RPRD1A: variants seen among roughly 807,000 people sequenced by gnomAD.
RPRD1A encodes the protein regulation of nuclear pre-mRNA domain containing 1A, also known as regulation of nuclear pre-mRNA domain-containing protein 1A.
In RPRD1A, 9 loss-of-function variants were observed where a neutral mutation model predicts 37.8. That is an observed-to-expected ratio of 0.24 (90% CI 0.14 to 0.42). RPRD1A has a LOEUF of 0.42. RPRD1A is among the 10% of genes least tolerant of loss of function. RPRD1A has a pLI of 1.00. For synonymous variants in RPRD1A, 138 were observed against 139.7 expected, an observed-to-expected ratio of 0.99 and a Z score of 0.08; for missense variants, 255 against 371.0, an observed-to-expected ratio of 0.69 and a Z score of 2.57.
At chr18:36,063,524 CT>C (rs1382389579) in intron 1 of RPRD1A, among the ~76,000 whole-genome samples, 1 of 152,188 alleles carries the variant, frequency 6.6e-6, no homozygotes, top group Non-Finnish European at 1.5e-5. Flanking sequence ...TCTTTACACA[CT>C]TTGAGAAACT....
chr18:35,998,344 G>T (rs1909211270), intron 6 of RPRD1A, among the ~76,000 whole-genome samples: 1 of 150,288 alleles, frequency 6.7e-6, no homozygotes, highest in South Asian at 2.1e-4. Flanking sequence ...CAACAAGAAT[G>T]AAACTGTCTC....
At chr18:36,050,246 T>TA (rs545246553) in intron 1 of RPRD1A, among the ~76,000 whole-genome samples, 478 of 139,692 alleles carry the variant, frequency 3.4e-3, no homozygotes, top group East Asian at 7.6e-3. Flanking sequence ...TACATATTTA[T>TA]AAAAAAAAAA....
chr18:36,030,102 G>A (rs987002877), intron 4 of RPRD1A, among the ~76,000 whole-genome samples: 6 of 150,144 alleles, frequency 4.0e-5, no homozygotes, highest in Non-Finnish European at 7.4e-5. Context: ...CACTGCGCCC[G>A]GCCACTCTAA....
intron 4 of RPRD1A, 190 bp from the exon 5 acceptor site, chr18:36,027,500 A>C: frequency 1.8e-6 from 1 of 566,540 alleles, no homozygotes; most frequent in South Asian, 2.4e-5. Flanking sequence ...TAGGTGTTGA[A>C]AATATAAACA....
At chr18:36,045,703 T>C (rs1912906129) in intron 1 of RPRD1A, among the ~76,000 whole-genome samples, 2 of 152,238 alleles carry the variant, frequency 1.3e-5, no homozygotes, top group Non-Finnish European at 2.9e-5. Flanking sequence ...TAAGTAACTA[T>C]TATTAGTGAA....
At chr18:36,002,915 T>G (rs1410891642) in intron 6 of RPRD1A, among the ~76,000 whole-genome samples, 2 of 152,238 alleles carry the variant, frequency 1.3e-5, no homozygotes. Context: ...TCACTCTTTA[T>G]TAAATAGCCC....
At position 36,027,253 on chromosome 18, in the gene RPRD1A, C is replaced by T; in HGVS notation, c.544G>A (p.Ala182Thr). 6.2e-7 allele frequency: 1 copy of T among 1,613,168 alleles called. No individual in the cohort carries two copies. Among genetic ancestry groups the T allele is most frequent in the Non-Finnish European group, 8.5e-7 (1 of 1,179,150 alleles). ...DLENAASGDA[A>T]VHQRIASLPV... ...AAAGAAGCTATCCTCTGATGAACTGCTGCATCACCTGAGGCTGCATTTTCC... is the reference window on the plus strand; with the variant it reads ...AAAGAAGCTATCCTCTGATGAACTGTTGCATCACCTGAGGCTGCATTTTCC... Residue 182 changes from alanine to threonine, a missense_variant, in exon 5 of 7, where the codon GCA becomes ACA. By Grantham distance (58) the Ala-to-Thr change is moderately conservative. Transcript: ENST00000399022.
At chr18:36,018,443 T>G (rs888085384) in intron 6 of RPRD1A, among the ~76,000 whole-genome samples, 8 of 152,014 alleles carry the variant, frequency 5.3e-5, no homozygotes, top group African/African-American at 1.7e-4. Flanking sequence ...CCAACTAATT[T>G]TTTCTATTTT....
intron 6 of RPRD1A, among the ~76,000 whole-genome samples, chr18:36,023,224 T>G (rs1346317155): frequency 1.3e-5 from 2 of 152,254 alleles, no homozygotes; most frequent in African/African-American, 4.8e-5. Context: ...TAGATGGCAT[T>G]AAAAACATTC....
At chr18:36,029,007 T>C (rs1289186998) in intron 4 of RPRD1A, among the ~76,000 whole-genome samples, 1 of 152,236 alleles carries the variant, frequency 6.6e-6, no homozygotes, top group Non-Finnish European at 1.5e-5. Context: ...ATGAGGCTCT[T>C]AGCCAAAAAT....
rs907942364 is a variant in RPRD1A, at chr18:35,993,170, T to C, written c.920A>G (p.Asp307Gly). The C allele has an allele frequency of 6.2e-7, 1 of 1,613,914 alleles. No homozygotes were observed. Residue 307 changes from aspartate (D) to glycine (G), a missense_variant, in exon 7 of 7, where the codon GAC becomes GGC. Asp to Gly is a moderately conservative substitution (Grantham distance 94). Transcript: ENST00000399022. The stretch of plus-strand genomic sequence containing the variant: ...GGTCCATCAATCTTCACTGTAGATG[T>C]CTCCCGCAAAGGGCAGGTGCATGTG... ...GSHMHLPFAG[D>G]IYSED
chr18:36,039,859 C>CAT (rs74277390), intron 1 of RPRD1A, among the ~76,000 whole-genome samples: 35,001 of 151,754 alleles, frequency 0.23, 4,046 homozygotes, highest in East Asian at 0.25. Context: ...CACACACACA[C>CAT]GCATGCACAC....
rs544805017 is a variant in RPRD1A, at chr18:36,019,944, G to A, written c.789+6956C>T. Among the ~76,000 whole-genome samples, 14 of 152,316 alleles carry A rather than the reference G, an allele frequency of 9.2e-5. No homozygotes were observed. In the South Asian group the frequency reaches 2.5e-3, roughly 27 times the overall value. ...AATCCCAGCTACTCAGGAGGCTGAG[G>A]CAGGAGAACTGCTTGAACCCAGGAG... On this transcript the variant is annotated intron_variant, in intron 6 of 6. Coordinates refer to ENST00000399022, the MANE Select transcript of RPRD1A (RefSeq NM_018170.5).
intron 1 of RPRD1A, among the ~76,000 whole-genome samples, chr18:36,047,465 A>C (rs1176103831): frequency 6.6e-6 from 1 of 152,108 alleles, no homozygotes; most frequent in Non-Finnish European, 1.5e-5. Context: ...AAAAGGAATG[A>C]AATAATAAAG....
At chr18:36,011,202 A>G (rs1174741194) in intron 6 of RPRD1A, among the ~76,000 whole-genome samples, 4 of 152,168 alleles carry the variant, frequency 2.6e-5, no homozygotes, top group African/African-American at 9.7e-5. Context: ...AGTCGGTACA[A>G]TTATTATCCC....
chr18:36,016,960 T>C (rs1337350449), intron 6 of RPRD1A, among the ~76,000 whole-genome samples: 1 of 152,096 alleles, frequency 6.6e-6, no homozygotes, highest in Non-Finnish European at 1.5e-5. Context: ...GGTATCTGCA[T>C]GTGCTTATCA....
chr18:36,060,432 T>A (rs1019841686), intron 1 of RPRD1A, among the ~76,000 whole-genome samples: 3 of 151,834 alleles, frequency 2.0e-5, no homozygotes, highest in Non-Finnish European at 4.4e-5. Context: ...AGACTCTGTC[T>A]CAAAAAAAAT....
intron 1 of RPRD1A, 110 bp downstream of exon 1, chr18:36,067,144 G>T: frequency 8.3e-7 from 1 of 1,210,498 alleles, no homozygotes; most frequent in Non-Finnish European, 1.1e-6. Context: ...ACCACCGCGC[G>T]CTGGCATCCC....
intron 1 of RPRD1A, among the ~76,000 whole-genome samples, chr18:36,061,000 C>G (rs16967402): frequency 0.03 from 4,551 of 152,074 alleles, 222 homozygotes; most frequent in African/African-American, 0.1. Flanking sequence ...AGTTAACAGG[C>G]ATTCAAAGGC....
Sources: gnomAD v4.1 joint callset for allele counts (sites outside exome capture counted in the v4.1 genomes callset) on GRCh38, gnomAD v4.1.1 for gene constraint, MANE v1.5 for transcripts, NCBI Gene and HGNC (gene_info 2026-07-23, HGNC 2026-07-21) for gene names.